PSMA7: variants seen among roughly 807,000 people sequenced by gnomAD.
The protein encoded by PSMA7 is proteasome 20S subunit alpha 7, also known as proteasome subunit alpha type-7.
PSMA7 carries 5 observed loss-of-function variants against 31.3 expected under a neutral mutation model. The ratio of observed to expected loss-of-function variants is 0.16; its 90% CI spans 0.08 to 0.34. PSMA7 has a LOEUF of 0.34. PSMA7 is among the 10% of genes least tolerant of loss of function. PSMA7 has a pLI of 1.00. For missense variants in PSMA7, 217 were observed against 327.5 expected (o/e 0.66, Z 2.60); for synonymous variants, 155 against 121.9 (o/e 1.27, Z -1.79).
intron 2 of PSMA7, 98 bp from the exon 3 acceptor site, chr20:62,140,003 C>T: frequency 6.9e-7 from 1 of 1,442,290 alleles, no homozygotes; most frequent in Non-Finnish European, 9.3e-7. Flanking sequence ...CACAGACCCC[C>T]CAAACCGGCA....
intron 3 of PSMA7, 113 bp from the exon 4 acceptor site, chr20:62,139,310 G>A: frequency 7.6e-7 from 1 of 1,320,700 alleles, no homozygotes; most frequent in Non-Finnish European, 1.0e-6. Context: ...CCCCTTCTCA[G>A]GTTATCAGCA....
At chr20:62,138,550 ATT>A (rs59188263) in intron 4 of PSMA7, among the ~76,000 whole-genome samples, 7,796 of 126,218 alleles carry the variant, frequency 0.062, 227 homozygotes, top group African/African-American at 0.084. Flanking sequence ...GCAATGGGAG[ATT>A]TTTTTTTTTT....
chr20:62,142,419 C>T (rs916553826), intron 1 of PSMA7: 6 of 152,270 alleles, frequency 3.9e-5, no homozygotes, highest in Non-Finnish European at 7.3e-5. Flanking sequence ...GCTTTCTCTG[C>T]CTGCTCAAAC....
At chr20:62,143,018 G>A (rs1026206242) in intron 1 of PSMA7, among the ~76,000 whole-genome samples, 190 bp downstream of exon 1, 5 of 149,998 alleles carry the variant, frequency 3.3e-5, no homozygotes, top group East Asian at 1.9e-4. Context: ...CACGCCAAAC[G>A]CCGCCTCTGC....
At chr20:62,137,227 G>A (rs1907959270) in intron 6 of PSMA7, 137 bp downstream of exon 6, 2 of 989,074 alleles carry the variant, frequency 2.0e-6, no homozygotes, top group African/African-American at 1.6e-5. Flanking sequence ...TGACGTATGG[G>A]GAGCCTCAGA....
At chr20:62,141,380 T>C (rs997301074) in intron 1 of PSMA7, among the ~76,000 whole-genome samples, 4 of 152,152 alleles carry the variant, frequency 2.6e-5, no homozygotes, top group South Asian at 2.1e-4. Flanking sequence ...CACTGGAAGG[T>C]GCGTTCACCC....
chr20:62,139,895 G>T lies in PSMA7; in HGVS notation c.234C>A (p.Ala78=). The T allele has an allele frequency of 6.2e-7, 1 of 1,613,576 alleles. No individual in the cohort carries two copies. Among genetic ancestry groups the T allele is most frequent in the Non-Finnish European group, 8.5e-7 (1 of 1,179,962 alleles). The change falls in exon 3 of 7, where the codon GCC becomes GCA. Residue 78 remains alanine, a synonymous_variant. Coordinates refer to ENST00000370873, the MANE Select transcript of PSMA7 (RefSeq NM_002792.4). ...CCCTGTTGATGACTATCCTTGCATC[G>T]GCGGTGAGGCCTGCAAGGAAAGCAG... ...NVCMAFAGLT[A]DARIVINRAR...
At position 62,136,889 on chromosome 20, in the gene PSMA7, TTTC is replaced by T. The variant is rs1460675536; in HGVS notation, c.712_714del (p.Glu238del). 9.4e-6 allele frequency: 15 copies of T among 1,599,076 alleles called. No individual in the cohort carries two copies. The highest frequency in any genetic ancestry group is 1.8e-5 in the Admixed American group (1 of 56,444). On this transcript the variant is annotated inframe_deletion, in exon 7 of 7. Coordinates refer to ENST00000370873, the MANE Select transcript of PSMA7 (RefSeq NM_002792.4). ...GCTTTCTTTTGTTTCTTCTTTTCGT[TTTC>T]TTCTTTTTCTTTTTCAATTTCAGCA...
chr20:62,137,065 A>G (rs1481723978), intron 6 of PSMA7, 116 bp from the exon 7 acceptor site: 2 of 1,381,792 alleles, frequency 1.4e-6, no homozygotes, highest in African/African-American at 1.5e-5. Context: ...CTCTTTGGAG[A>G]GGAACCTCAA....
At position 62,139,731 on chromosome 20, in the gene PSMA7, C is replaced by T. The variant is rs879384570; in HGVS notation, c.348+50G>A. ...ATGGCAGGACCCTCCATGGCGGAGC[C>T]GTGACTGCCCTGCTGCCAGAGGTGA... On this transcript the variant is annotated intron_variant, in intron 3 of 6. Transcript: ENST00000370873. 6.2e-6 allele frequency: 10 copies of T among 1,613,500 alleles called. No homozygotes were observed. The Middle Eastern group carries it at 4.9e-4, about 80-fold the overall frequency.
intron 1 of PSMA7, 90 bp downstream of exon 1, chr20:62,143,118 A>G: frequency 1.2e-6 from 1 of 831,344 alleles, no homozygotes; most frequent in Non-Finnish European, 1.5e-6. Flanking sequence ...GCGGGCGCCC[A>G]CAGCGCCGCG....
intron 4 of PSMA7, 124 bp downstream of exon 4, chr20:62,138,951 G>A (rs769785570): frequency 7.8e-6 from 10 of 1,274,918 alleles, no homozygotes; most frequent in South Asian, 7.2e-5. Context: ...GCTCTCATAG[G>A]ACTAGGTTAA....
chr20:62,140,967 A>C, intron 1 of PSMA7, 23 bp from the exon 2 acceptor site: 1 of 1,613,382 alleles, frequency 6.2e-7, no homozygotes, highest in Non-Finnish European at 8.5e-7. Context: ...TCCACAAACC[A>C]CGTAAGAAAG....
chr20:62,138,820 A>G (rs2056910367), intron 4 of PSMA7, among the ~76,000 whole-genome samples: 1 of 152,158 alleles, frequency 6.6e-6, no homozygotes, highest in Non-Finnish European at 1.5e-5. Flanking sequence ...GGCCTCCCAA[A>G]GTGCTGGGAT....
At chr20:62,141,208 A>T (rs1027236278) in intron 1 of PSMA7, among the ~76,000 whole-genome samples, 9 of 152,188 alleles carry the variant, frequency 5.9e-5, no homozygotes, top group African/African-American at 2.2e-4. Flanking sequence ...TGGAGGCTGC[A>T]GTGAGCCATG....
chr20:62,139,657 T>C (rs1429008093), intron 3 of PSMA7, 124 bp downstream of exon 3: 19 of 1,507,024 alleles, frequency 1.3e-5, no homozygotes, highest in Middle Eastern at 3.4e-4. Context: ...AAGTCAAGAT[T>C]AGGATCACGC....
chr20:62,137,678 C>T (rs1305354331), intron 5 of PSMA7, among the ~76,000 whole-genome samples: 1 of 152,206 alleles, frequency 6.6e-6, no homozygotes, highest in Non-Finnish European at 1.5e-5. Flanking sequence ...GCTCCAGGCC[C>T]TCCTCTTGAC....
At chr20:62,139,725 C>A (rs573088166) in intron 3 of PSMA7, 56 bp downstream of exon 3, 3 of 1,613,440 alleles carry the variant, frequency 1.9e-6, no homozygotes, top group Non-Finnish European at 2.5e-6. Flanking sequence ...CCCTCCATGG[C>A]GGAGCCGTGA....
intron 1 of PSMA7, among the ~76,000 whole-genome samples, chr20:62,142,853 C>T (rs1402056457): frequency 6.6e-6 from 1 of 151,632 alleles, no homozygotes; most frequent in Non-Finnish European, 1.5e-5. Context: ...CGGCCCTCGC[C>T]CGGCCTCTGC....
Sources: gnomAD v4.1 joint callset for allele counts (sites outside exome capture counted in the v4.1 genomes callset) on GRCh38, gnomAD v4.1.1 for gene constraint, MANE v1.5 for transcripts, NCBI Gene and HGNC (gene_info 2026-07-23, HGNC 2026-07-21) for gene names.